RNF220: variants seen among roughly 807,000 people sequenced by gnomAD.
RNF220 encodes ring finger protein 220, also known as E3 ubiquitin-protein ligase RNF220.
In RNF220, 7 loss-of-function variants were observed where a neutral mutation model predicts 67.1. The observed-to-expected ratio is 0.10, with a 90% confidence interval of 0.06 to 0.20. The LOEUF (loss-of-function observed/expected upper bound fraction) is 0.20. Among genes scored for constraint, RNF220 ranks in the 10% least tolerant of loss-of-function variants. The probability of loss-of-function intolerance (pLI) is 1.00; values close to 1 mark genes in which losing one functional copy is unlikely to be tolerated. For synonymous variants in RNF220, 270 were observed against 283.2 expected (o/e 0.95, Z 0.47); for missense variants, 565 against 740.3 (o/e 0.76, Z 2.75).
rs141268288 is a variant in RNF220 at position 44,568,827 on chromosome 1, A to T, written c.626-45338A>T. 9.8e-3 allele frequency among the ~76,000 whole-genome samples: 1,485 copies of T among 152,186 alleles called. 12 individuals carry two copies. Among genetic ancestry groups the T allele is most frequent in the Non-Finnish European group, 0.016 (1,092 of 68,014 alleles). On this transcript the variant is annotated intron_variant, in intron 2 of 14. Transcript: ENST00000361799. Reference sequence around the variant, plus strand: ...GCCCTTTTATTCTTTCATTTATGGGATGGGATGGGGGATTCCATGGGAAGG... The same window carrying T: ...GCCCTTTTATTCTTTCATTTATGGGTTGGGATGGGGGATTCCATGGGAAGG...
intron 2 of RNF220, among the ~76,000 whole-genome samples, chr1:44,540,988 T>C (rs1661629658): frequency 6.6e-6 from 1 of 152,178 alleles, no homozygotes; most frequent in Non-Finnish European, 1.5e-5. Context: ...GTTACGGTGT[T>C]TGCAATCTGC....
At chr1:44,552,805 G>A (rs531560458) in intron 2 of RNF220, among the ~76,000 whole-genome samples, 16 of 151,948 alleles carry the variant, frequency 1.1e-4, no homozygotes, top group East Asian at 5.9e-4. Context: ...TCTTGACCTC[G>A]TGATCCGCCC....
upstream of RNF220, chr1:44,405,113 C>G (rs945902583): frequency 2.8e-5 from 5 of 177,642 alleles, no homozygotes; most frequent in South Asian, 9.6e-4. Flanking sequence ...TGGGTCTGGA[C>G]TTCATTTCCC....
Position 44,650,521 on chromosome 1 carries a change from TC to T in RNF220, c.1630-177del, listed in dbSNP as rs982638534. On this transcript the variant is annotated intron_variant, in intron 14 of 14. Transcript: ENST00000361799. This position sits in a 1 kb window ranked among gnomAD's most constrained non-coding sequence, Gnocchi z 4.3. The stretch of plus-strand genomic sequence containing the variant: ...CTGGCCAGGCGGTTTGATCCTGGCG[TC>T]CCCCCAACACAGGAGCGTGCCTGCC... 3.7e-5 allele frequency: 23 copies of T among 620,478 alleles called. No homozygotes were observed. The African/African-American group carries it at 3.9e-4, about 10-fold the overall frequency. The allele number at this position is 620,478 out of a possible 1,614,324, so 38.4% of individuals were successfully genotyped here.
chr1:44,527,054 G>A (rs1053945371), intron 2 of RNF220, among the ~76,000 whole-genome samples: 2 of 151,736 alleles, frequency 1.3e-5, no homozygotes, highest in Admixed American at 6.6e-5. Flanking sequence ...GCATCTTCCC[G>A]GGGTGAGCTC....
chr1:44,629,844 T>C (rs1644064661), intron 5 of RNF220, among the ~76,000 whole-genome samples: 1 of 152,150 alleles, frequency 6.6e-6, no homozygotes, highest in African/African-American at 2.4e-5. Context: ...TTACTCCAGA[T>C]ATAAAGACAA....
At chr1:44,538,641 C>T (rs950167968) in intron 2 of RNF220, among the ~76,000 whole-genome samples, 4 of 152,174 alleles carry the variant, frequency 2.6e-5, no homozygotes, top group Admixed American at 1.3e-4. Context: ...TCTGGCCAAG[C>T]GCAGTGGCTC....
chr1:44,574,463 A>G (rs983281145), intron 2 of RNF220, among the ~76,000 whole-genome samples: 2 of 152,222 alleles, frequency 1.3e-5, no homozygotes, highest in African/African-American at 2.4e-5. Flanking sequence ...GCTCCAGTTT[A>G]AGAAGACTGG....
intron 2 of RNF220, among the ~76,000 whole-genome samples, chr1:44,485,800 A>G (rs972103741): frequency 2.0e-5 from 3 of 152,198 alleles, no homozygotes; most frequent in South Asian, 4.1e-4. Context: ...GGGTAATTAC[A>G]TGGGAGTTAG....
chr1:44,646,995 G>T (rs184467500), intron 12 of RNF220, among the ~76,000 whole-genome samples: 1 of 152,256 alleles, frequency 6.6e-6, no homozygotes. Flanking sequence ...TGGACCAGGG[G>T]TTGGAGGCTT....
At chr1:44,580,505 T>C (rs1485176511) in intron 2 of RNF220, among the ~76,000 whole-genome samples, 1 of 152,228 alleles carries the variant, frequency 6.6e-6, no homozygotes, top group African/African-American at 2.4e-5. Context: ...CCCAAGAGTT[T>C]AAACACAGAC....
chr1:44,475,998 CAA>C (rs771161222), intron 2 of RNF220, among the ~76,000 whole-genome samples: 2 of 122,562 alleles, frequency 1.6e-5, no homozygotes, highest in African/African-American at 3.1e-5. Context: ...GACTCCATCT[CAA>C]AAAAAAAAAG....
At chr1:44,501,712 C>T (rs1183799877) in intron 2 of RNF220, among the ~76,000 whole-genome samples, 1 of 152,062 alleles carries the variant, frequency 6.6e-6, no homozygotes, top group Non-Finnish European at 1.5e-5. Context: ...ACAGCGGCGG[C>T]GGCAGAGCAC....
rs544564964 is a variant in RNF220, at chr1:44,458,612, TA to T, written c.625+45896del. On this transcript the variant is annotated intron_variant, in intron 2 of 14. Coordinates refer to ENST00000361799, the MANE Select transcript of RNF220 (RefSeq NM_018150.4). ...TACCCACACCCAATTCAATAGCATT[TA>T]AAAAAGAGATTTACCTTTATGAAAC... Among the ~76,000 whole-genome samples the T allele has an allele frequency of 5.9e-5, 9 of 152,310 alleles. No individual in the cohort carries two copies. The South Asian group carries it at 1.0e-3, about 18-fold the overall frequency.
In RNF220 at chr1:44,412,839, C is replaced by T. The variant is rs182898146; in HGVS notation, c.625+117C>T. On this transcript the variant is annotated intron_variant, in intron 2 of 14. Coordinates refer to ENST00000361799, the MANE Select transcript of RNF220 (RefSeq NM_018150.4). The surrounding 1 kb of genome is among the most constrained non-coding windows in gnomAD (Gnocchi z 5.3). Reference sequence around the variant, plus strand: ...GTAATAGGAAGGGCCAACTACTTCCCTTTCACTAGCTGTGGAGTGCTAACC... The same window carrying T: ...GTAATAGGAAGGGCCAACTACTTCCTTTTCACTAGCTGTGGAGTGCTAACC... 53 of 1,085,184 alleles carry T rather than the reference C, an allele frequency of 4.9e-5. No individual in the cohort carries two copies. In the East Asian group the frequency reaches 1.2e-3, roughly 24 times the overall value. The allele number at this position is 1,085,184 out of a possible 1,614,324, so 67.2% of individuals were successfully genotyped here. A position where few individuals can be genotyped will look rare whatever the true frequency, so the allele number is the denominator to read the frequency against.
chr1:44,642,352 A>C (rs904190188), intron 8 of RNF220, among the ~76,000 whole-genome samples: 6 of 152,228 alleles, frequency 3.9e-5, no homozygotes, highest in Admixed American at 1.3e-4. Flanking sequence ...ATAAAGGTTG[A>C]AAGAATGGCA....
At chr1:44,552,578 T>TTTC (rs1662737283) in intron 2 of RNF220, among the ~76,000 whole-genome samples, 1 of 120,194 alleles carries the variant, frequency 8.3e-6, no homozygotes, top group Admixed American at 8.3e-5. Context: ...TTTTTTTTTT[T>TTTC]TTTTTTTTTT....
At chr1:44,499,612 A>G (rs1450642463) in intron 2 of RNF220, among the ~76,000 whole-genome samples, 1 of 151,774 alleles carries the variant, frequency 6.6e-6, no homozygotes, top group Non-Finnish European at 1.5e-5. Flanking sequence ...TAGTCCTCAG[A>G]TTTCCCTTCT....
At chr1:44,515,023 A>G (rs938744699) in intron 2 of RNF220, among the ~76,000 whole-genome samples, 2 of 152,218 alleles carry the variant, frequency 1.3e-5, no homozygotes, top group Admixed American at 1.3e-4. Context: ...AAGACCTAGC[A>G]AGACTGTTCC....
Sources: allele counts gnomAD v4.1 joint callset (sites outside exome capture counted in the v4.1 genomes callset), GRCh38; gene constraint gnomAD v4.1.1; non-coding constraint Gnocchi (gnomAD v3.1); transcripts MANE v1.5; gene names NCBI Gene and HGNC (gene_info 2026-07-23, HGNC 2026-07-21).